Variants in MACROD2 observed in about 807,000 individuals in gnomAD.
MACROD2 encodes the protein ADP-ribose glycohydrolase MACROD2.
In MACROD2, 36 loss-of-function variants were observed where a neutral mutation model predicts 70.4. The observed-to-expected ratio is 0.51, with a 90% confidence interval of 0.39 to 0.68. The LOEUF is 0.68. Among genes scored for constraint, MACROD2 ranks in the 30% least tolerant of loss-of-function variants. The pLI is 0.00. For synonymous variants in MACROD2, 172 were observed against 178.8 expected (o/e 0.96, Z 0.30); for missense variants, 496 against 538.4 (o/e 0.92, Z 0.78).
At chr20:15,241,059 C>T (rs1363485307) in intron 6 of MACROD2, among the ~76,000 whole-genome samples, 2 of 152,126 alleles carry the variant, frequency 1.3e-5, no homozygotes, top group African/African-American at 4.8e-5. Flanking sequence ...ATACTATTCT[C>T]TCTGTTTGTG....
intron 8 of MACROD2, among the ~76,000 whole-genome samples, chr20:15,746,578 A>AG (rs895529576): frequency 6.6e-6 from 1 of 151,514 alleles, no homozygotes; most frequent in Non-Finnish European, 1.5e-5. Context: ...AAAAAAAAAA[A>AG]AAAAGAAACG....
At chr20:14,359,700 G>A (rs189176232) in intron 3 of MACROD2, among the ~76,000 whole-genome samples, 350 of 152,092 alleles carry the variant, frequency 2.3e-3, no homozygotes, top group African/African-American at 7.7e-3. Flanking sequence ...GGTAAAACCC[G>A]TCTCTACAAA....
intron 5 of MACROD2, among the ~76,000 whole-genome samples, chr20:15,125,889 C>T (rs1056786940): frequency 7.0e-6 from 1 of 143,840 alleles, no homozygotes; most frequent in Non-Finnish European, 1.6e-5. Flanking sequence ...CTTTCTGTCT[C>T]TCTAAATTTG....
intron 3 of MACROD2, among the ~76,000 whole-genome samples, chr20:14,272,623 G>A (rs2082206852): frequency 1.3e-5 from 2 of 150,870 alleles, no homozygotes; most frequent in South Asian, 2.1e-4. Flanking sequence ...CATAATGACA[G>A]GATCAAATTC....
intron 12 of MACROD2, among the ~76,000 whole-genome samples, chr20:15,938,206 T>A (rs978125567): frequency 5.3e-5 from 8 of 152,196 alleles, no homozygotes; most frequent in Non-Finnish European, 1.0e-4. Flanking sequence ...TTTTCTTCTC[T>A]CTCTCCTGGT....
At chr20:15,233,460 A>G (rs1021550320) in intron 6 of MACROD2, among the ~76,000 whole-genome samples, 7 of 152,126 alleles carry the variant, frequency 4.6e-5, no homozygotes, top group Non-Finnish European at 1.0e-4. Flanking sequence ...ATTCTTGAAT[A>G]GTAGAGAGGG....
At chr20:15,785,364 C>A (rs7261088) in intron 8 of MACROD2, among the ~76,000 whole-genome samples, 4,254 of 152,160 alleles carry the variant, frequency 0.028, 218 homozygotes, top group African/African-American at 0.097. Context: ...GAACTGAGAA[C>A]TGACTCCTGC....
chr20:15,276,305 T>C lies in MACROD2; in HGVS notation c.540+46244T>C, dbSNP rs181781896. The stretch of plus-strand genomic sequence containing the variant: ...GTCCCGGCTACTCGGGAGGCTGAGG[T>C]AGGAGAAGGGCGTGAACCCGGGAGG... On this transcript the variant is annotated intron_variant, in intron 6 of 17. Coordinates refer to ENST00000684519, the MANE Select transcript of MACROD2 (RefSeq NM_001351661.2). Among the ~76,000 whole-genome samples, 713 of 149,080 alleles carry C rather than the reference T, an allele frequency of 4.8e-3. 2 individuals are homozygous for C. The highest frequency in any genetic ancestry group is 0.016 in the African/African-American group (657 of 40,266).
chr20:15,787,491 G>A (rs955734506), intron 8 of MACROD2, among the ~76,000 whole-genome samples: 3 of 151,884 alleles, frequency 2.0e-5, no homozygotes, highest in Non-Finnish European at 4.4e-5. Flanking sequence ...AGTCCCCCGT[G>A]GCTGTTGTTC....
At chr20:14,486,641 C>T (rs1295668071) in intron 3 of MACROD2, among the ~76,000 whole-genome samples, 1 of 151,466 alleles carries the variant, frequency 6.6e-6, no homozygotes, top group Non-Finnish European at 1.5e-5. Flanking sequence ...GCCTCAGCCT[C>T]CTGAGTAGCT....
In MACROD2 at chr20:15,882,486, G is replaced by A. The variant is rs140628633; in HGVS notation, c.728-3278G>A. On this transcript the variant is annotated intron_variant, in intron 9 of 17. Coordinates refer to ENST00000684519, the MANE Select transcript of MACROD2 (RefSeq NM_001351661.2). ...AGCTTTCTTTTCTGCAATAGATAAT[G>A]AGATTTCAGGCAGAGGATGGAAGAC... Among the ~76,000 whole-genome samples the A allele has an allele frequency of 6.2e-3, 936 of 152,176 alleles. 3 individuals carry two copies. Among genetic ancestry groups the A allele is most frequent in the Admixed American group, 0.011 (169 of 15,256 alleles).
At chr20:14,114,935 C>T (rs1398525295) in intron 3 of MACROD2, among the ~76,000 whole-genome samples, 2 of 152,138 alleles carry the variant, frequency 1.3e-5, no homozygotes, top group Admixed American at 1.3e-4. Context: ...TCTCAAATCC[C>T]TTTTCTGAGT....
At chr20:15,195,632 C>T (rs963785377) in intron 5 of MACROD2, among the ~76,000 whole-genome samples, 11 of 152,054 alleles carry the variant, frequency 7.2e-5, no homozygotes, top group Non-Finnish European at 1.6e-4. Flanking sequence ...CACTGTTGGT[C>T]GGAGTATAAA....
At chr20:15,097,343 G>A (rs2075841473) in intron 5 of MACROD2, among the ~76,000 whole-genome samples, 1 of 152,100 alleles carries the variant, frequency 6.6e-6, no homozygotes. Flanking sequence ...TGCACAAAAT[G>A]TAATGCTTTT....
chr20:14,359,718 C>A (rs1403469114), intron 3 of MACROD2, among the ~76,000 whole-genome samples: 1 of 152,064 alleles, frequency 6.6e-6, no homozygotes, highest in Non-Finnish European at 1.5e-5. Context: ...AAACATTAGC[C>A]TGACATGGTG....
chr20:15,046,995 T>G (rs766610925), intron 5 of MACROD2, among the ~76,000 whole-genome samples: 1 of 152,214 alleles, frequency 6.6e-6, no homozygotes, highest in Non-Finnish European at 1.5e-5. Flanking sequence ...TATTTCTTTA[T>G]GTCTCTTTGA....
intron 5 of MACROD2, among the ~76,000 whole-genome samples, chr20:14,991,204 GA>G (rs886980158): frequency 4.0e-5 from 6 of 148,842 alleles, no homozygotes; most frequent in African/African-American, 1.2e-4. Context: ...AACACCAAGT[GA>G]AAAAAAAAAT....
intron 4 of MACROD2, among the ~76,000 whole-genome samples, chr20:14,595,153 G>T (rs1368105558): frequency 6.6e-6 from 1 of 152,120 alleles, no homozygotes; most frequent in Non-Finnish European, 1.5e-5. Context: ...TTGCACAGTT[G>T]TCTTCATTTT....
intron 3 of MACROD2, among the ~76,000 whole-genome samples, chr20:14,222,449 C>T (rs555283082): frequency 1.9e-4 from 29 of 151,870 alleles, no homozygotes; most frequent in East Asian, 1.2e-3. Flanking sequence ...TATATATGGA[C>T]GTAGAATTTA....
Sources: gnomAD v4.1 joint callset for allele counts (sites outside exome capture counted in the v4.1 genomes callset) on GRCh38, gnomAD v4.1.1 for gene constraint, MANE v1.5 for transcripts, NCBI Gene and HGNC (gene_info 2026-07-23, HGNC 2026-07-21) for gene names.